CRYBG3: variants seen among roughly 807,000 people sequenced by gnomAD.
CRYBG3 encodes the protein very large A-kinase anchor protein.
CRYBG3 carries 127 observed loss-of-function variants against 244.2 expected under a neutral mutation model. That is an observed-to-expected ratio of 0.52 (90% CI 0.45 to 0.60). The LOEUF is 0.60. Among genes scored for constraint, CRYBG3 ranks in the 20% least tolerant of loss-of-function variants. The probability of loss-of-function intolerance (pLI) is 0.00; values close to 1 mark genes in which losing one functional copy is unlikely to be tolerated. For synonymous variants in CRYBG3, 1,132 were observed against 1,195.8 expected (o/e 0.95, Z 1.10); for missense variants, 3,325 against 3,442.5 (o/e 0.97, Z 0.85).
At chr3:97,918,454 A>T (rs1034120234) in intron 17 of CRYBG3, among the ~76,000 whole-genome samples, 1 of 152,302 alleles carries the variant, frequency 6.6e-6, no homozygotes, top group East Asian at 1.9e-4. Flanking sequence ...TCTGTATCTC[A>T]GTTAATTCTT....
At position 97,861,671 on chromosome 3, in the gene CRYBG3, G is replaced by T. The variant is rs572343448; in HGVS notation, c.217-2546G>T. ...TAGAATGAACATTTTGTTAATGTTT[G>T]CCTGAGTCCTGAGTGCTTTCATTCT... On this transcript the variant is annotated intron_variant, in intron 2 of 21. Transcript: ENST00000389622. 3.9e-5 allele frequency among the ~76,000 whole-genome samples: 6 copies of T among 152,194 alleles called. No homozygotes were observed. The East Asian group carries it at 1.2e-3, about 29-fold the overall frequency.
chr3:97,848,599 C>A (rs976409518), intron 2 of CRYBG3, among the ~76,000 whole-genome samples: 5 of 152,176 alleles, frequency 3.3e-5, no homozygotes, highest in African/African-American at 1.2e-4. Flanking sequence ...CTGCACCCAG[C>A]CTGTTTGTTT....
rs183329909 is a variant in CRYBG3, at chr3:97,936,132, G to A, written c.8382-653G>A. Among the ~76,000 whole-genome samples, 5 of 152,218 alleles carry A rather than the reference G, an allele frequency of 3.3e-5. 1 individual carries two copies. The East Asian group carries it at 9.7e-4, about 29-fold the overall frequency. ...TGACTACTGAAGTTGCTATGGTAGT[G>A]CAAGAGCAGCCGTAGGCAATCCTTA... On this transcript the variant is annotated intron_variant, in intron 18 of 21. Coordinates refer to ENST00000389622, the MANE Select transcript of CRYBG3 (RefSeq NM_153605.4).
Position 97,874,929 on chromosome 3 carries a change from G to T in CRYBG3, c.3735G>T (p.Glu1245Asp). Residue 1245 changes from glutamate to aspartate, a missense_variant, in exon 4 of 22, where the codon GAG becomes GAT. Glu to Asp is a conservative substitution (Grantham distance 45). Around this residue, in one of 4 missense-constraint regions of CRYBG3, gnomAD observed 1,526 missense variants for 1,443.2 expected, o/e 1.06. Transcript: ENST00000389622. ...NLGTLKEDIS[E>D]KNPSEVTLTE... The stretch of plus-strand genomic sequence containing the variant: ...GTACCCTGAAAGAAGACATCTCTGA[G>T]AAAAACCCATCAGAAGTGACACTAA... 1 of 1,535,660 alleles carries T rather than the reference G, an allele frequency of 6.5e-7. No individual in the cohort carries two copies.
chr3:97,919,712 A>AT (rs1238075439), intron 17 of CRYBG3, among the ~76,000 whole-genome samples: 32 of 133,272 alleles, frequency 2.4e-4, no homozygotes, highest in African/African-American at 8.3e-4. Flanking sequence ...CAATAAAATG[A>AT]TTAAAAAAAA....
At position 97,896,095 on chromosome 3, in the gene CRYBG3, C is replaced by T; in HGVS notation, c.7701+10C>T. 1 of 1,587,428 alleles carries T rather than the reference C, an allele frequency of 6.3e-7. No homozygotes were observed. ...CCGGTACTTACAAGCTGTGAGTTAG[C>T]TTCCTTATCCTTAATTTTCTACCTT... On this transcript the variant is annotated intron_variant, in intron 12 of 21. Transcript: ENST00000389622.
chr3:97,847,206 AGT>A (rs2038917052), intron 2 of CRYBG3, among the ~76,000 whole-genome samples: 1 of 152,160 alleles, frequency 6.6e-6, no homozygotes, highest in South Asian at 2.1e-4. Context: ...ATTATATTTC[AGT>A]GTGAGGGTAC....
Position 97,871,893 on chromosome 3 carries a change from AG to A in CRYBG3, c.701del (p.Gly234AlafsTer9). 6.5e-7 allele frequency: 1 copy of A among 1,530,878 alleles called. No homozygotes were observed. The highest frequency in any genetic ancestry group is 8.7e-7 in the Non-Finnish European group (1 of 1,145,320). The allele number at this position is 1,530,878 out of a possible 1,614,324, so 94.8% of individuals were successfully genotyped here. A position where few individuals can be genotyped will look rare whatever the true frequency, so the allele number is the denominator to read the frequency against. On this transcript the variant is annotated frameshift_variant, in exon 4 of 22. Transcript: ENST00000389622. LOFTEE classifies it high-confidence loss of function. ...KPSVTYATYR[G>X]PRHIGKYLKQ... is the part of the protein sequence containing the mutation. ...CTTCAGTAACATATGCAACATATCGAGGCCCAAGACACATTGGGAAATATTT... is the reference window on the plus strand; with the variant it reads ...CTTCAGTAACATATGCAACATATCGAGCCCAAGACACATTGGGAAATATTT...
At chr3:97,879,544 A>T (rs953377788) in intron 4 of CRYBG3, among the ~76,000 whole-genome samples, 160 bp from the exon 5 acceptor site, 1 of 152,192 alleles carries the variant, frequency 6.6e-6, no homozygotes, top group African/African-American at 2.4e-5. Context: ...AATTTCCTAT[A>T]TATTTGTATT....
Position 97,943,236 on chromosome 3 carries a change from T to A in CRYBG3, c.8835T>A (p.Tyr2945Ter). The change falls in exon 22 of 22, where the codon TAT (tyrosine) becomes TAA (stop). Residue 2945 changes from tyrosine (Y) to a stop codon, truncating the protein, a stop_gained. Transcript: ENST00000389622. LOFTEE classifies it high-confidence loss of function. ...QLVLDVKGGN[Y>*]CDKTHVIVNQ... ...GAATTTCTATTTTAGGAGGAAATTA[T>A]TGTGACAAGACTCATGTAATTGTAA... The A allele has an allele frequency of 6.4e-7, 1 of 1,567,568 alleles. No homozygotes were observed. Among genetic ancestry groups the A allele is most frequent in the Admixed American group, 1.7e-5 (1 of 57,530 alleles).
At chr3:97,922,871 A>G (rs904929976) in intron 17 of CRYBG3, among the ~76,000 whole-genome samples, 1 of 152,180 alleles carries the variant, frequency 6.6e-6, no homozygotes, top group African/African-American at 2.4e-5. Flanking sequence ...TCATGCTGCT[A>G]TAAAGACACA....
At chr3:97,905,450 A>T (rs2039761155) in intron 15 of CRYBG3, among the ~76,000 whole-genome samples, 1 of 151,418 alleles carries the variant, frequency 6.6e-6, no homozygotes, top group Admixed American at 6.6e-5. Context: ...CTGGTGTGAG[A>T]TGGTATCTCA....
intron 15 of CRYBG3, among the ~76,000 whole-genome samples, chr3:97,901,710 A>G (rs2039708751): frequency 6.6e-6 from 1 of 152,186 alleles, no homozygotes; most frequent in African/African-American, 2.4e-5. Context: ...AAGTACAGAT[A>G]AAAAGCCTCA....
intron 1 of CRYBG3, among the ~76,000 whole-genome samples, chr3:97,827,965 C>T (rs1489256304): frequency 6.6e-6 from 1 of 152,136 alleles, no homozygotes; most frequent in African/African-American, 2.4e-5. Context: ...GACATCTGCC[C>T]AGATGGACTG....
At chr3:97,850,713 A>G (rs2038972364) in intron 2 of CRYBG3, among the ~76,000 whole-genome samples, 1 of 152,232 alleles carries the variant, frequency 6.6e-6, no homozygotes, top group African/African-American at 2.4e-5. Context: ...CAATAGGAGT[A>G]TAAACAGTTC....
At chr3:97,917,909 G>T (rs2039944917) in intron 17 of CRYBG3, among the ~76,000 whole-genome samples, 1 of 152,118 alleles carries the variant, frequency 6.6e-6, no homozygotes, top group Admixed American at 6.6e-5. Flanking sequence ...GACAGTGCTA[G>T]ATACACTACC....
rs1049912104 is a variant in CRYBG3 at position 97,944,546 on chromosome 3, G to A, written c.*1232G>A. On this transcript the variant is annotated 3_prime_UTR_variant, in exon 22 of 22. Transcript: ENST00000389622. ...AAATAACAATGACTATTTTAAACTCGAAGACCCACTATTTTGAGTATTTTT... is the reference window on the plus strand; with the variant it reads ...AAATAACAATGACTATTTTAAACTCAAAGACCCACTATTTTGAGTATTTTT... The A allele has an allele frequency of 2.0e-5, 3 of 152,090 alleles. No homozygotes were observed. The highest frequency in any genetic ancestry group is 1.3e-4 in the Admixed American group (2 of 15,184). The allele number at this position is 152,090 out of a possible 1,614,324, so 9.4% of individuals were successfully genotyped here.
At chr3:97,880,926 T>A in intron 6 of CRYBG3, 146 bp from the exon 7 acceptor site, 1 of 543,326 alleles carries the variant, frequency 1.8e-6, no homozygotes, top group Non-Finnish European at 3.2e-6. Context: ...TTAGCATATA[T>A]CATTGTTTCA....
Position 97,889,288 on chromosome 3 carries a change from T to C in CRYBG3, c.7405-67T>C, listed in dbSNP as rs923514156. 4.1e-6 allele frequency: 5 copies of C among 1,217,454 alleles called. No individual in the cohort carries two copies. In the African/African-American group the frequency reaches 7.5e-5, roughly 18 times the overall value. 75.4% of individuals were successfully genotyped at this position (1,217,454 alleles called of 1,614,324 possible). A position where few individuals can be genotyped will look rare whatever the true frequency, so the allele number is the denominator to read the frequency against. The stretch of plus-strand genomic sequence containing the variant: ...TTTATGTAACCTACATATATCACTT[T>C]CAGATATTACATTCAAATGTTTTAA... On this transcript the variant is annotated intron_variant, in intron 9 of 21. Transcript: ENST00000389622.
Sources: allele counts gnomAD v4.1 joint callset (sites outside exome capture counted in the v4.1 genomes callset), GRCh38; gene constraint gnomAD v4.1.1; regional missense constraint gnomAD v4.1.1; transcripts MANE v1.5; gene names NCBI Gene and HGNC (gene_info 2026-07-23, HGNC 2026-07-21).